The following FNIP1 variants were observed in gnomAD, a reference collection of about 807,000 sequenced individuals.
The protein encoded by FNIP1 is folliculin-interacting protein 1.
A neutral mutation model predicts 124.5 loss-of-function variants in FNIP1; 40 were observed. The observed-to-expected ratio is 0.32, with a 90% CI of 0.25 to 0.42. FNIP1 has a LOEUF of 0.42. FNIP1 is among the 10% of genes least tolerant of loss of function. The pLI, the probability that FNIP1 is intolerant of heterozygous loss-of-function variation, is 1.00. For synonymous variants in FNIP1, 472 were observed against 470.6 expected, an observed-to-expected ratio of 1.00 and a Z score of -0.04; for missense variants, 1,176 against 1,403.7, an observed-to-expected ratio of 0.84 and a Z score of 2.59.
intron 2 of FNIP1, among the ~76,000 whole-genome samples, chr5:131,739,526 CTGTT>C: frequency 6.6e-6 from 1 of 152,226 alleles, no homozygotes; most frequent in Non-Finnish European, 1.5e-5. Flanking sequence ...CAATAACACA[CTGTT>C]TGGCCAGGCG....
At chr5:131,667,035 GA>G (rs1187937891) in intron 15 of FNIP1, among the ~76,000 whole-genome samples, 2 of 152,182 alleles carry the variant, frequency 1.3e-5, no homozygotes, top group African/African-American at 4.8e-5. Context: ...CAGGTATTGG[GA>G]GGGAAGCATT....
intron 1 of FNIP1, among the ~76,000 whole-genome samples, chr5:131,763,832 GC>G (rs1771325095): frequency 6.6e-6 from 1 of 152,140 alleles, no homozygotes; most frequent in Non-Finnish European, 1.5e-5. Flanking sequence ...ACAACTGCGA[GC>G]ATATGGTCCT....
chr5:131,699,916 CAAAAAAAAAAA>C (rs3033727), intron 10 of FNIP1, among the ~76,000 whole-genome samples: 3 of 93,708 alleles, frequency 3.2e-5, no homozygotes, highest in Admixed American at 1.6e-4. Context: ...AAGACTGTTT[CAAAAAAAAAAA>C]AAAAAAAAAA....
intron 1 of FNIP1, among the ~76,000 whole-genome samples, chr5:131,757,479 T>C (rs567934901): frequency 1.3e-5 from 2 of 152,254 alleles, no homozygotes; most frequent in East Asian, 1.9e-4. Context: ...TACAATATCA[T>C]AGGCCTCATA....
At chr5:131,657,736 C>CAAAAAAAAAAAAAAAA (rs59097834) in intron 15 of FNIP1, among the ~76,000 whole-genome samples, 4 of 65,038 alleles carry the variant, frequency 6.2e-5, no homozygotes, top group African/African-American at 1.9e-4. Context: ...GAAAATAAGG[C>CAAAAAAAAAAAAAAAA]AAAAAAAAAA....
At chr5:131,718,940 G>T in intron 5 of FNIP1, 46 bp downstream of exon 5, 1 of 1,497,512 alleles carries the variant, frequency 6.7e-7, no homozygotes. Flanking sequence ...TTCATACTTT[G>T]CACATCTAAA....
chr5:131,757,024 C>A (rs901793548), intron 1 of FNIP1, among the ~76,000 whole-genome samples: 13 of 152,142 alleles, frequency 8.5e-5, no homozygotes, highest in Non-Finnish European at 7.3e-5. Context: ...TGAAAAGGAG[C>A]AAGGCTGTTA....
intron 2 of FNIP1, among the ~76,000 whole-genome samples, chr5:131,735,807 ATGTG>A (rs141584109): frequency 8.8e-5 from 13 of 148,376 alleles, no homozygotes; most frequent in East Asian, 2.0e-4. Flanking sequence ...ACTTAAGGGA[ATGTG>A]TGTGTGTGTG....
At chr5:131,665,899 CT>C (rs11292297) in intron 15 of FNIP1, among the ~76,000 whole-genome samples, 157 of 122,958 alleles carry the variant, frequency 1.3e-3, no homozygotes, top group Middle Eastern at 4.1e-3. Flanking sequence ...TAAAATAATA[CT>C]TTTTTTTTTT....
rs575521993 is a variant in FNIP1, at chr5:131,710,593, C to A, written c.691G>T (p.Ala231Ser). The A allele has an allele frequency of 6.2e-7, 1 of 1,613,626 alleles. No individual in the cohort carries two copies. Reference protein sequence around the residue: ...EQGPLRLIRSASFFAVHSNPM... With the variant: ...EQGPLRLIRSSSFFAVHSNPM... ...CATCGCAAACCTGCAAAGAAAGAGG[C>A]GCTCCTGATCAGGCGGAGCGGACCC... Residue 231 changes from alanine (A) to serine (S), a missense_variant, in exon 7 of 18, where the codon GCC (alanine) becomes TCC (serine). By Grantham distance (99) the Ala-to-Ser change is moderately conservative. Coordinates refer to ENST00000510461, the MANE Select transcript of FNIP1 (RefSeq NM_133372.3).
intron 3 of FNIP1, among the ~76,000 whole-genome samples, chr5:131,722,138 C>T (rs1769687209): frequency 6.6e-6 from 1 of 152,318 alleles, no homozygotes; most frequent in Admixed American, 6.5e-5. Context: ...TATTCATTTA[C>T]ATGCATTTGA....
At chr5:131,705,217 T>A (rs192227000) in intron 9 of FNIP1, among the ~76,000 whole-genome samples, 1 of 151,926 alleles carries the variant, frequency 6.6e-6, no homozygotes, top group Non-Finnish European at 1.5e-5. Context: ...ATGCCTGTAA[T>A]CCTAGCACTT....
intron 15 of FNIP1, among the ~76,000 whole-genome samples, chr5:131,665,899 C>CTTT (rs11292297): frequency 1.6e-5 from 2 of 122,962 alleles, no homozygotes; most frequent in African/African-American, 4.5e-5. Context: ...TAAAATAATA[C>CTTT]TTTTTTTTTT....
chr5:131,786,698 A>G (rs1772230702), intron 1 of FNIP1, among the ~76,000 whole-genome samples: 1 of 152,162 alleles, frequency 6.6e-6, no homozygotes, highest in South Asian at 2.1e-4. Flanking sequence ...AATTAAGGTC[A>G]TTATCTCGAG....
chr5:131,668,769 A>G (rs1400014129), intron 15 of FNIP1, among the ~76,000 whole-genome samples: 1 of 152,144 alleles, frequency 6.6e-6, no homozygotes, highest in Non-Finnish European at 1.5e-5. Context: ...CAATAACTCA[A>G]CTCTGCTGTT....
intron 11 of FNIP1, among the ~76,000 whole-genome samples, chr5:131,693,341 T>TATATACAC (rs1561658400): frequency 7.9e-6 from 1 of 127,234 alleles, no homozygotes; most frequent in African/African-American, 2.9e-5. Flanking sequence ...TACATATATA[T>TATATACAC]ATATATATAT....
intron 14 of FNIP1, 111 bp downstream of exon 14, chr5:131,671,394 A>C (rs1208559726): frequency 2.3e-6 from 2 of 887,290 alleles, no homozygotes; most frequent in Non-Finnish European, 3.4e-6. Context: ...TGAAAACAAG[A>C]GAGCTATCCA....
At chr5:131,688,718 A>G (rs75940283) in intron 11 of FNIP1, among the ~76,000 whole-genome samples, 6 of 150,046 alleles carry the variant, frequency 4.0e-5, no homozygotes, top group African/African-American at 1.5e-4. Flanking sequence ...AAAAAAAAAA[A>G]GGAGCAGGAA....
chr5:131,671,666 A>C lies in FNIP1; in HGVS notation c.2778T>G (p.Ala926=). The C allele has an allele frequency of 6.2e-7, 1 of 1,614,168 alleles. No individual in the cohort carries two copies. Among genetic ancestry groups the C allele is most frequent in the Non-Finnish European group, 8.5e-7 (1 of 1,180,024 alleles). The part of the protein sequence containing the change: ...GDKESSDKKI[A]VGTEWDIPRN... ...TTGGAATGTCCCATTCAGTTCCTAC[A>C]GCAATTTTTTTATCTGAACTCTCTT... The change falls in exon 14 of 18, where the codon GCT becomes GCG. Residue 926 remains alanine (A), a synonymous_variant. Transcript: ENST00000510461.
Sources: gnomAD v4.1 joint callset for allele counts (sites outside exome capture counted in the v4.1 genomes callset) on GRCh38, gnomAD v4.1.1 for gene constraint, MANE v1.5 for transcripts, NCBI Gene and HGNC (gene_info 2026-07-23, HGNC 2026-07-21) for gene names.